Variants in LILRA4 observed in about 807,000 individuals in gnomAD.
The protein encoded by LILRA4 is leukocyte immunoglobulin like receptor A4.
In LILRA4, 51 loss-of-function variants were observed where a neutral mutation model predicts 49.5. The observed-to-expected ratio is 1.03, with a 90% CI of 0.82 to 1.30. LILRA4 has a LOEUF of 1.30. Ranked by LOEUF, LILRA4 falls within the 50% of genes most tolerant of loss-of-function variation. The probability of loss-of-function intolerance (pLI) is 0.00; values close to 1 mark genes in which losing one functional copy is unlikely to be tolerated. For synonymous variants in LILRA4, 272 were observed against 265.6 expected (o/e 1.02, Z -0.23); for missense variants, 624 against 625.6 (o/e 1.00, Z 0.03).
chr19:54,338,926 A>G (rs764932059), intron 1 of LILRA4, 25 bp from the exon 2 acceptor site: 5 of 1,614,040 alleles, frequency 3.1e-6, no homozygotes, highest in Non-Finnish European at 4.2e-6. Flanking sequence ...CCTGTGAGAG[A>G]TTTGCCTCCG....
chr19:54,337,391 G>A lies in LILRA4; in HGVS notation c.952+9C>T. The stretch of plus-strand genomic sequence containing the variant: ...GGGTCCCCCTGACTGAACCCGCTGG[G>A]CTCCTCACCTGCGATCAGGATATCC... On this transcript the variant is annotated intron_variant, in intron 5 of 7. Transcript: ENST00000291759. 1 of 1,610,892 alleles carries A rather than the reference G, an allele frequency of 6.2e-7. No individual in the cohort carries two copies. The highest frequency in any genetic ancestry group is 8.5e-7 in the Non-Finnish European group (1 of 1,179,564).
chr19:54,337,829 A>C, intron 4 of LILRA4, 107 bp downstream of exon 4: 1 of 1,445,254 alleles, frequency 6.9e-7, no homozygotes, highest in Non-Finnish European at 9.3e-7. Context: ...CAGGGCCCCC[A>C]TCTTCCCCTC....
rs369197037 is a variant in LILRA4 at position 54,336,958 on chromosome 19, A to G, written c.1138T>C (p.Phe380Leu). 3.7e-6 allele frequency: 6 copies of G among 1,614,086 alleles called. No individual in the cohort carries two copies. The African/African-American group carries it at 8.0e-5, about 22-fold the overall frequency. The change falls in exon 6 of 8, where the codon TTC becomes CTC. Residue 380 changes from phenylalanine to leucine, a missense_variant. Physicochemically the swap from Phe to Leu is conservative, Grantham distance 22. Transcript: ENST00000291759. ...GCTGAGGTCACAGGACTCATGGGGA[A>G]TTCAGCCTGGTACTTATGAGCTCCG... is the stretch of plus-strand genomic sequence containing the variant. ...MYGAHKYQAEFPMSPVTSAHA... is the reference protein window; with the variant it reads ...MYGAHKYQAELPMSPVTSAHA...
chr19:54,333,847 C>T (rs1015440014), intron 7 of LILRA4, 68 bp downstream of exon 7: 1 of 1,609,172 alleles, frequency 6.2e-7, no homozygotes, highest in African/African-American at 1.3e-5. Context: ...CCCAGGGTAC[C>T]CACCTCCCCT....
chr19:54,334,517 C>T (rs1193402688), intron 6 of LILRA4: 1 of 152,616 alleles, frequency 6.6e-6, no homozygotes, highest in Non-Finnish European at 1.5e-5. Flanking sequence ...GTTAGGAAAC[C>T]TACAATGTGA....
Position 54,333,435 on chromosome 19 carries a change from CCA to C in LILRA4, c.*135_*136del. On this transcript the variant is annotated 3_prime_UTR_variant, in exon 8 of 8. Transcript: ENST00000291759. ...AGAGTCGACAATGAGGAGGAAAGCA[CCA>C]CAGTTTAATGGAGGAAGCATCTTCT... 4.9e-6 allele frequency: 4 copies of C among 819,534 alleles called. No individual in the cohort carries two copies. In the East Asian group the frequency reaches 1.0e-4, roughly 21 times the overall value. 50.8% of individuals were successfully genotyped at this position (819,534 alleles called of 1,614,324 possible). A position where few individuals can be genotyped will look rare whatever the true frequency, so the allele number is the denominator to read the frequency against.
In LILRA4 at chr19:54,337,694, C is replaced by T. The variant is rs543578213; in HGVS notation, c.658G>A (p.Val220Met). 35 of 1,611,492 alleles carry T rather than the reference C, an allele frequency of 2.2e-5. No homozygotes were observed. In the Admixed American group the frequency reaches 2.2e-4, roughly 10 times the overall value. ...SDPLQLLVSG[V>M]SRKPSLLTLQ... ...GTCAGGAGGGAGGGCTTCCTAGACA[C>T]GCCTGGAGGGAAAGATGAGTTGGGA... The change falls in exon 5 of 8, where the codon GTG becomes ATG. Residue 220 changes from valine (V) to methionine (M), a missense_variant and splice_region_variant. Physicochemically the swap from Val to Met is conservative, Grantham distance 21. Transcript: ENST00000291759.
chr19:54,333,842 G>A (rs1601221665), intron 7 of LILRA4, 73 bp downstream of exon 7: 1 of 1,611,022 alleles, frequency 6.2e-7, no homozygotes, highest in South Asian at 1.1e-5. Context: ...GTCCACCCAG[G>A]GTACCCACCT....
chr19:54,339,152 CACAG>C lies in LILRA4; in HGVS notation c.-63_-60del, dbSNP rs1326128738. 3.8e-6 allele frequency: 6 copies of C among 1,589,480 alleles called. No homozygotes were observed. The highest frequency in any genetic ancestry group is 2.2e-5 in the South Asian group (2 of 90,574). ...CAGGTGTGGCCACGGTGCCCGTAGA[CACAG>C]ACAGACACATGGTGTGCGGGCACAC... is the stretch of plus-strand genomic sequence containing the variant. On this transcript the variant is annotated 5_prime_UTR_variant, in exon 1 of 8. Coordinates refer to ENST00000291759, the MANE Select transcript of LILRA4 (RefSeq NM_012276.5).
chr19:54,333,962 G>C lies in LILRA4; in HGVS notation c.1259C>G (p.Ala420Gly). ...SEPLELVVSG[A>G]TETLNPAQKK... ...TTGTGCTGGATTGAGGGTCTCAGTT[G>C]CTCCTAAGAATCAAAGAATAAGGAT... The change falls in exon 7 of 8, where the codon GCA becomes GGA. Residue 420 changes from alanine to glycine, a missense_variant. Ala to Gly is a moderately conservative substitution (Grantham distance 60). Transcript: ENST00000291759. 2 of 1,613,640 alleles carry C rather than the reference G, an allele frequency of 1.2e-6. No individual in the cohort carries two copies.
At position 54,338,498 on chromosome 19, in the gene LILRA4, T is replaced by A; in HGVS notation, c.253A>T (p.Ile85Phe). 1 of 1,614,042 alleles carries A rather than the reference T, an allele frequency of 6.2e-7. No individual in the cohort carries two copies. Among genetic ancestry groups the A allele is most frequent in the Non-Finnish European group, 8.5e-7 (1 of 1,179,930 alleles). ...LESENKVKLS[I>F]PSMMWEHAGR... ...GCATGTTCCCACATCATGGATGGGA[T>A]GGAGAGTTTGACCTTGTTTTCAGAC... is the stretch of plus-strand genomic sequence containing the variant. Residue 85 changes from isoleucine to phenylalanine, a missense_variant, in exon 3 of 8, where the codon ATC becomes TTC. Ile to Phe is a conservative substitution (Grantham distance 21). Transcript: ENST00000291759.
In LILRA4 at chr19:54,333,915, C is replaced by A. The variant is rs1397372083; in HGVS notation, c.1306G>T (p.Ala436Ser). 2 of 1,613,798 alleles carry A rather than the reference C, an allele frequency of 1.2e-6. No homozygotes were observed. Among genetic ancestry groups the A allele is most frequent in the African/African-American group, 1.3e-5 (1 of 74,910 alleles). The change falls in exon 7 of 8, where the codon GCC becomes TCC. Residue 436 changes from alanine to serine, a missense_variant and splice_region_variant. Transcript: ENST00000291759. ...TAACTGGGAGAATCTCCTCACTCAC[C>A]AGTCTTGGAATCTGACTTCTTTTGT... ...PAQKKSDSKT[A>S]PHLQDYTVEN...
intron 6 of LILRA4, 115 bp downstream of exon 6, chr19:54,336,726 G>A: frequency 6.9e-7 from 1 of 1,452,106 alleles, no homozygotes; most frequent in East Asian, 2.4e-5. Flanking sequence ...GGGGCTGATG[G>A]AGGAAGAAGT....
chr19:54,334,295 C>G (rs1230758766), intron 6 of LILRA4: 2 of 275,962 alleles, frequency 7.2e-6, no homozygotes, highest in East Asian at 1.4e-4. Context: ...AACAAGAACA[C>G]AACAACTAAT....
rs1470303375 is a variant in LILRA4 at position 54,333,436 on chromosome 19, C to G, written c.*136G>C. The stretch of plus-strand genomic sequence containing the variant: ...GAGTCGACAATGAGGAGGAAAGCAC[C>G]ACAGTTTAATGGAGGAAGCATCTTC... On this transcript the variant is annotated 3_prime_UTR_variant, in exon 8 of 8. Transcript: ENST00000291759. 2 of 824,914 alleles carry G rather than the reference C, an allele frequency of 2.4e-6. No individual in the cohort carries two copies. The highest frequency in any genetic ancestry group is 3.8e-6 in the Non-Finnish European group (2 of 520,076). The allele number at this position is 824,914 out of a possible 1,614,324, so 51.1% of individuals were successfully genotyped here. A position where few individuals can be genotyped will look rare whatever the true frequency, so the allele number is the denominator to read the frequency against.
At position 54,338,202 on chromosome 19, in the gene LILRA4, C is replaced by T. The variant is rs781507973; in HGVS notation, c.389G>A (p.Ser130Asn). ...YSRPTLSALP[S>N]PVVTSGVNVT... Reference sequence around the variant, plus strand: ...GTTCACTCCTGAGGTCACCACAGGGCTTGGCAGTGCGGACAGGGTGGGTCT... The same window carrying T: ...GTTCACTCCTGAGGTCACCACAGGGTTTGGCAGTGCGGACAGGGTGGGTCT... The change falls in exon 4 of 8, where the codon AGC (serine) becomes AAC (asparagine). Residue 130 changes from serine to asparagine, a missense_variant. Physicochemically the swap from Ser to Asn is conservative, Grantham distance 46 (BLOSUM62 1). Transcript: ENST00000291759. 6.2e-7 allele frequency: 1 copy of T among 1,613,466 alleles called. No homozygotes were observed. Among genetic ancestry groups the T allele is most frequent in the Admixed American group, 1.7e-5 (1 of 59,994 alleles).
chr19:54,336,769 C>G, intron 6 of LILRA4, 72 bp downstream of exon 6: 2 of 1,560,212 alleles, frequency 1.3e-6, no homozygotes, highest in Non-Finnish European at 1.7e-6. Flanking sequence ...GACGGACACT[C>G]TCTTGGAAGC....
chr19:54,337,769 A>G lies in LILRA4; in HGVS notation c.656-73T>C, dbSNP rs1432334871. ...GCCCCTTCCTTCTGTAGCCTTCCTCACTAGGGTTTCCAGCGTCCTTGTTTT... is the reference window on the plus strand; with the variant it reads ...GCCCCTTCCTTCTGTAGCCTTCCTCGCTAGGGTTTCCAGCGTCCTTGTTTT... On this transcript the variant is annotated intron_variant, in intron 4 of 7. Transcript: ENST00000291759. 5 of 1,516,608 alleles carry G rather than the reference A, an allele frequency of 3.3e-6. No individual in the cohort carries two copies. The African/African-American group carries it at 4.2e-5, about 13-fold the overall frequency. 93.9% of individuals were successfully genotyped at this position (1,516,608 alleles called of 1,614,324 possible).
rs1201666336 is a variant in LILRA4 at position 54,339,160 on chromosome 19, G to A, written c.-67C>T. ...GCCACGGTGCCCGTAGACACAGACA[G>A]ACACATGGTGTGCGGGCACACGGAG... On this transcript the variant is annotated 5_prime_UTR_variant, in exon 1 of 8. Coordinates refer to ENST00000291759, the MANE Select transcript of LILRA4 (RefSeq NM_012276.5). 6.3e-7 allele frequency: 1 copy of A among 1,576,474 alleles called. No homozygotes were observed. Among genetic ancestry groups the A allele is most frequent in the Non-Finnish European group, 8.7e-7 (1 of 1,145,794 alleles).
Sources: allele counts gnomAD v4.1 joint callset, GRCh38; gene constraint gnomAD v4.1.1; transcripts MANE v1.5; gene names NCBI Gene and HGNC (gene_info 2026-07-23, HGNC 2026-07-21).